The following LRRC2 variants were observed in gnomAD, a reference collection of about 807,000 sequenced individuals.
LRRC2 encodes leucine-rich repeat-containing protein 2.
Under a neutral mutation model 40.2 loss-of-function variants are expected in LRRC2, and 27 were observed. The observed-to-expected ratio is 0.67, with a 90% CI of 0.49 to 0.93. The LOEUF (loss-of-function observed/expected upper bound fraction) is 0.93. LRRC2 is among the 40% of genes least tolerant of loss of function. LRRC2 has a pLI of 0.00. For missense variants in LRRC2, 402 were observed against 439.6 expected (o/e 0.91, Z 0.76); for synonymous variants, 147 against 158.9 (o/e 0.92, Z 0.56).
chr3:46,526,938 T>A (rs1180413983), intron 7 of LRRC2, among the ~76,000 whole-genome samples: 8 of 152,200 alleles, frequency 5.3e-5, no homozygotes, highest in Non-Finnish European at 1.2e-4. Flanking sequence ...TGCCTTGGAG[T>A]CATTTCAGGG....
chr3:46,534,423 C>CCTTT (rs754860415), intron 4 of LRRC2, among the ~76,000 whole-genome samples: 3,218 of 101,040 alleles, frequency 0.032, 50 homozygotes, highest in East Asian at 0.084. Flanking sequence ...TTCCTTCCTT[C>CCTTT]CTTTCTTTCT....
intron 7 of LRRC2, among the ~76,000 whole-genome samples, chr3:46,524,901 A>G (rs2106981464): frequency 6.6e-6 from 1 of 152,210 alleles, no homozygotes; most frequent in East Asian, 1.9e-4. Flanking sequence ...ATCACTAGCC[A>G]GTTTCTTCAT....
At chr3:46,541,492 C>T (rs1411694643) in intron 3 of LRRC2, among the ~76,000 whole-genome samples, 1 of 152,050 alleles carries the variant, frequency 6.6e-6, no homozygotes, top group African/African-American at 2.4e-5. Context: ...TTTTAGGTGC[C>T]ATAAACCTTG....
intron 1 of LRRC2, among the ~76,000 whole-genome samples, chr3:46,565,180 C>T (rs1419645845): frequency 1.3e-5 from 2 of 152,148 alleles, no homozygotes. Context: ...CCAGGGGAGG[C>T]AGAGGGTCCA....
intron 1 of LRRC2, among the ~76,000 whole-genome samples, chr3:46,552,143 A>G (rs1559419054): frequency 1.3e-5 from 2 of 151,884 alleles, no homozygotes; most frequent in Admixed American, 1.3e-4. Flanking sequence ...CCTCAGATAG[A>G]CTCTGGGCTC....
At chr3:46,539,286 G>T (rs1408809470) in intron 3 of LRRC2, 85 bp from the exon 4 acceptor site, 12 of 1,349,262 alleles carry the variant, frequency 8.9e-6, no homozygotes, top group Non-Finnish European at 1.2e-5. Context: ...TTTTAAAACA[G>T]GAAGTGAGAA....
chr3:46,539,284 C>G, intron 3 of LRRC2, 83 bp from the exon 4 acceptor site: 1 of 1,364,324 alleles, frequency 7.3e-7, no homozygotes, highest in Non-Finnish European at 1.0e-6. Context: ...TATTTTAAAA[C>G]AGGAAGTGAG....
chr3:46,539,322 A>C, intron 3 of LRRC2, 121 bp from the exon 4 acceptor site: 1 of 877,274 alleles, frequency 1.1e-6, no homozygotes. Context: ...ATAAAACTTA[A>C]CCACCAGCAC....
chr3:46,547,964 G>C (rs1704566268), intron 2 of LRRC2, among the ~76,000 whole-genome samples: 1 of 152,200 alleles, frequency 6.6e-6, no homozygotes, highest in Non-Finnish European at 1.5e-5. Flanking sequence ...AAGACATGCT[G>C]CTAGAACTTC....
chr3:46,566,229 A>T lies in LRRC2; in HGVS notation c.-72T>A, dbSNP rs975753538. 1 of 151,790 alleles carries T rather than the reference A, an allele frequency of 6.6e-6. No homozygotes were observed. Among genetic ancestry groups the T allele is most frequent in the African/African-American group, 2.4e-5 (1 of 41,184 alleles). 9.4% of individuals were successfully genotyped at this position (151,790 alleles called of 1,614,324 possible). ...CCTGGCCTGCCCGCCGCGGCTGTTT[A>T]CACCGCAGAGGCTGTTTACACCGCA... On this transcript the variant is annotated 5_prime_UTR_variant, in exon 1 of 9. Coordinates refer to ENST00000395905, the MANE Select transcript of LRRC2 (RefSeq NM_024512.5).
In LRRC2 at chr3:46,528,275, T is replaced by A. The variant is rs1041944969; in HGVS notation, c.774-694A>T. On this transcript the variant is annotated intron_variant, in intron 6 of 8. Transcript: ENST00000395905. The stretch of plus-strand genomic sequence containing the variant: ...AATGAGAATAAACAGATTTTAGCAA[T>A]GTACTTCCTTTGGTACACTTTTTTT... Among the ~76,000 whole-genome samples, 26 of 144,254 alleles carry A rather than the reference T, an allele frequency of 1.8e-4. 1 individual carries two copies. The highest frequency in any genetic ancestry group is 3.0e-5 in the Non-Finnish European group (2 of 66,754). The allele number at this position is 144,254 out of a possible 152,430, so 94.6% of individuals were successfully genotyped here. A position where few individuals can be genotyped will look rare whatever the true frequency, so the allele number is the denominator to read the frequency against.
chr3:46,545,781 A>G (rs1200520827), intron 2 of LRRC2, among the ~76,000 whole-genome samples: 1 of 152,190 alleles, frequency 6.6e-6, no homozygotes, highest in Non-Finnish European at 1.5e-5. Flanking sequence ...CCTATCTTTT[A>G]GAGCTTTCCA....
chr3:46,520,135 T>C (rs1703939966), intron 8 of LRRC2, among the ~76,000 whole-genome samples: 1 of 148,872 alleles, frequency 6.7e-6, no homozygotes, highest in South Asian at 2.1e-4. Flanking sequence ...TAACTAATAA[T>C]ATATTATCGA....
At chr3:46,555,168 C>CA (rs1415886128) in intron 1 of LRRC2, among the ~76,000 whole-genome samples, 3 of 151,964 alleles carry the variant, frequency 2.0e-5, no homozygotes, top group Non-Finnish European at 2.9e-5. Context: ...ATATAATTTG[C>CA]AAAAAATTTC....
At position 46,529,990 on chromosome 3, in the gene LRRC2, G is replaced by C; in HGVS notation, c.688C>G (p.Pro230Ala). 1 of 1,613,964 alleles carries C rather than the reference G, an allele frequency of 6.2e-7. No individual in the cohort carries two copies. Among genetic ancestry groups the C allele is most frequent in the South Asian group, 1.1e-5 (1 of 91,074 alleles). ...TTCGACATCCGCAGGACACAGATTG[G>C]GACACTGGAAAACTTGTTTGCTGAG... is the stretch of plus-strand genomic sequence containing the variant. The part of the protein sequence containing the change: ...DISANKFSSV[P>A]ICVLRMSNLQ... Residue 230 changes from proline to alanine, a missense_variant, in exon 6 of 9, where the codon CCA becomes GCA. Transcript: ENST00000395905.
chr3:46,530,305 C>T (rs1055541375), intron 5 of LRRC2, among the ~76,000 whole-genome samples: 7 of 152,090 alleles, frequency 4.6e-5, no homozygotes, highest in Admixed American at 3.3e-4. Flanking sequence ...GCAAGCTGGG[C>T]GTGGTTGCTC....
chr3:46,532,934 C>T (rs780284740), intron 4 of LRRC2, 25 bp from the exon 5 acceptor site: 16 of 1,610,702 alleles, frequency 9.9e-6, no homozygotes, highest in Middle Eastern at 1.7e-4. Flanking sequence ...AGTTAACATC[C>T]ATTGAATAGG....
intron 7 of LRRC2, among the ~76,000 whole-genome samples, chr3:46,526,977 A>G (rs1704070293): frequency 6.6e-6 from 1 of 152,258 alleles, no homozygotes. Context: ...TTTCAATTCC[A>G]CTTCCACATC....
chr3:46,535,270 CAT>C (rs1382230091), intron 4 of LRRC2, among the ~76,000 whole-genome samples: 1 of 152,202 alleles, frequency 6.6e-6, no homozygotes, highest in Non-Finnish European at 1.5e-5. Context: ...GTGATACTCA[CAT>C]GTCATAAGAA....
Sources: gnomAD v4.1 joint callset for allele counts (sites outside exome capture counted in the v4.1 genomes callset) on GRCh38, gnomAD v4.1.1 for gene constraint, MANE v1.5 for transcripts, NCBI Gene and HGNC (gene_info 2026-07-23, HGNC 2026-07-21) for gene names.